Variants in CHAT observed in about 807,000 individuals in gnomAD.
The protein encoded by CHAT is acetyl CoA:choline O-acetyltransferase.
A neutral mutation model predicts 76.9 loss-of-function variants in CHAT; 61 were observed. That is an observed-to-expected ratio of 0.79 (90% confidence interval 0.65 to 0.98). The LOEUF (loss-of-function observed/expected upper bound fraction) is 0.98, where lower values mean the gene tolerates loss of function less well. CHAT is among the 50% of genes least tolerant of loss of function. The pLI is 0.00. For synonymous variants in CHAT, 407 were observed against 397.4 expected (o/e 1.02, Z -0.29); for missense variants, 946 against 986.9 (o/e 0.96, Z 0.56).
intron 7 of CHAT, among the ~76,000 whole-genome samples, chr10:49,628,905 G>A (rs1034746458): frequency 1.9e-4 from 29 of 152,396 alleles, no homozygotes; most frequent in African/African-American, 6.0e-4. Flanking sequence ...CGGATGTACT[G>A]GGCCTATTTT....
chr10:49,619,304 A>G (rs1174421935), intron 2 of CHAT, among the ~76,000 whole-genome samples: 2 of 152,202 alleles, frequency 1.3e-5, no homozygotes, highest in African/African-American at 4.8e-5. Context: ...TCTTAGATCC[A>G]TCCTTTATGG....
chr10:49,664,582 C>T lies in CHAT; in HGVS notation c.1978-195C>T, dbSNP rs561019413. 2.0e-5 allele frequency among the ~76,000 whole-genome samples: 3 copies of T among 152,332 alleles called. No homozygotes were observed. In the East Asian group the frequency reaches 5.8e-4, roughly 29 times the overall value. ...TGCACACCAGGGAGTGGGCTTGGGG[C>T]CCCTCATCCTCTGATATCATGCAGT... On this transcript the variant is annotated intron_variant, in intron 14 of 14. Coordinates refer to ENST00000337653, the MANE Select transcript of CHAT (RefSeq NM_020549.5).
intron 4 of CHAT, among the ~76,000 whole-genome samples, chr10:49,621,121 C>T (rs1197462992): frequency 6.6e-6 from 1 of 152,248 alleles, no homozygotes; most frequent in Non-Finnish European, 1.5e-5. Flanking sequence ...CCTCTGGCCG[C>T]TAATGACAAT....
rs1838379325 is a variant in CHAT at position 49,614,113 on chromosome 10, G to C, written c.-77G>C. The C allele has an allele frequency of 5.8e-6, 9 of 1,544,904 alleles. No individual in the cohort carries two copies. Among genetic ancestry groups the C allele is most frequent in the Admixed American group, 2.0e-5 (1 of 50,748 alleles). ...CTTCTAGAGCCTAAATTTGTTGCCCGAGTTCCTCCGGGAAGCGCTCCGGGT... is the reference window on the plus strand; with the variant it reads ...CTTCTAGAGCCTAAATTTGTTGCCCCAGTTCCTCCGGGAAGCGCTCCGGGT... On this transcript the variant is annotated 5_prime_UTR_variant, in exon 1 of 15. Coordinates refer to ENST00000337653, the MANE Select transcript of CHAT (RefSeq NM_020549.5).
chr10:49,667,333 G>A lies in CHAT; in HGVS notation c.*2287G>A, dbSNP rs570585235. 4.6e-5 allele frequency among the ~76,000 whole-genome samples: 7 copies of A among 152,258 alleles called. No homozygotes were observed. The highest frequency in any genetic ancestry group is 3.3e-4 in the Admixed American group (5 of 15,296). On this transcript the variant is annotated 3_prime_UTR_variant, in exon 15 of 15. Coordinates refer to ENST00000337653, the MANE Select transcript of CHAT (RefSeq NM_020549.5). ...TACCCCAGTGGGCATTGTTTGGGTG[G>A]TTTTCTTTTAAACTATTTACACTGA...
Position 49,665,588 on chromosome 10 carries a change from C to CA in CHAT, c.*544dup, listed in dbSNP as rs1324792689. ...GTCTCCACTGAGCCGTACAGTCCTACAAGCACCCACTCCTCCCACACACAC... is the reference window on the plus strand; with the variant it reads ...GTCTCCACTGAGCCGTACAGTCCTACAAAGCACCCACTCCTCCCACACACAC... On this transcript the variant is annotated 3_prime_UTR_variant, in exon 15 of 15. Transcript: ENST00000337653. 6.6e-6 allele frequency among the ~76,000 whole-genome samples: 1 copy of CA among 152,120 alleles called. No homozygotes were observed.
At chr10:49,611,458 G>C (rs913848936), upstream of CHAT, 13 of 1,598,554 alleles carry the variant, frequency 8.1e-6, no homozygotes, top group Non-Finnish European at 1.1e-5. Flanking sequence ...TGAGTTCGCC[G>C]GCAAGCGCGT....
chr10:49,610,658 T>G, upstream of CHAT: 1 of 1,356,796 alleles, frequency 7.4e-7, no homozygotes, highest in Non-Finnish European at 9.6e-7. Flanking sequence ...CTCCCCGAAG[T>G]CCCGTGCCCT....
At chr10:49,662,516 A>T in intron 13 of CHAT, 129 bp from the exon 14 acceptor site, 1 of 1,205,902 alleles carries the variant, frequency 8.3e-7, no homozygotes, top group Non-Finnish European at 1.2e-6. Flanking sequence ...CATTGTTGGC[A>T]GCAGGCACTG....
intron 13 of CHAT, 123 bp downstream of exon 13, chr10:49,655,571 A>G (rs1840010818): frequency 3.4e-6 from 3 of 872,466 alleles, no homozygotes; most frequent in Non-Finnish European, 5.8e-6. Flanking sequence ...GGGACTTGGC[A>G]AGGCCACTTC....
At chr10:49,635,038 A>G (rs1215677992) in intron 7 of CHAT, among the ~76,000 whole-genome samples, 1 of 152,168 alleles carries the variant, frequency 6.6e-6, no homozygotes, top group East Asian at 1.9e-4. Flanking sequence ...GATACGGAAC[A>G]TTCCATCACC....
chr10:49,649,365 C>T (rs977551207), intron 9 of CHAT, 143 bp from the exon 10 acceptor site: 21 of 1,135,106 alleles, frequency 1.9e-5, no homozygotes, highest in African/African-American at 4.6e-5. Flanking sequence ...TTCATCTGCA[C>T]GGTGGTTCAG....
intron 6 of CHAT, among the ~76,000 whole-genome samples, chr10:49,627,217 C>T (rs759583452): frequency 7.9e-5 from 12 of 152,330 alleles, no homozygotes; most frequent in African/African-American, 2.9e-4. Context: ...CACACGGGTA[C>T]GTTTCTCTAA....
intron 11 of CHAT, among the ~76,000 whole-genome samples, chr10:49,654,617 C>T (rs950200875): frequency 1.3e-5 from 2 of 152,230 alleles, no homozygotes; most frequent in African/African-American, 4.8e-5. Context: ...CCAGCTGCCC[C>T]TGGAAGGGAG....
chr10:49,630,829 T>C (rs898913068), intron 7 of CHAT, among the ~76,000 whole-genome samples: 1 of 152,138 alleles, frequency 6.6e-6, no homozygotes, highest in African/African-American at 2.4e-5. Flanking sequence ...GGTAGGAGCA[T>C]GCAGAGGCTC....
intron 7 of CHAT, among the ~76,000 whole-genome samples, chr10:49,645,887 A>G (rs1404817121): frequency 6.6e-6 from 1 of 152,194 alleles, no homozygotes; most frequent in Admixed American, 6.5e-5. Flanking sequence ...TGCCCCTACA[A>G]GCTCATCCAG....
At chr10:49,656,425 G>A (rs1399181278) in intron 13 of CHAT, among the ~76,000 whole-genome samples, 1 of 151,790 alleles carries the variant, frequency 6.6e-6, no homozygotes, top group Non-Finnish European at 1.5e-5. Context: ...GCCCTTCAAC[G>A]TGAACACCAA....
intron 13 of CHAT, among the ~76,000 whole-genome samples, chr10:49,658,084 A>T (rs1377626328): frequency 1.3e-5 from 2 of 152,226 alleles, no homozygotes; most frequent in African/African-American, 4.8e-5. Flanking sequence ...AAATCTTTTT[A>T]AAAAAACTTA....
At chr10:49,612,427 C>A, upstream of CHAT, 1 of 1,330,456 alleles carries the variant, frequency 7.5e-7, no homozygotes, top group East Asian at 2.3e-5. Flanking sequence ...GCTCAGGGCC[C>A]ACCTCCTCCA....
Sources: gnomAD v4.1 joint callset for allele counts (sites outside exome capture counted in the v4.1 genomes callset) on GRCh38, gnomAD v4.1.1 for gene constraint, MANE v1.5 for transcripts, NCBI Gene and HGNC (gene_info 2026-07-23, HGNC 2026-07-21) for gene names.